The following CGNL1 variants were observed in gnomAD, a reference collection of about 807,000 sequenced individuals.
CGNL1 encodes cingulin-like protein 1.
Under a neutral mutation model 141.2 loss-of-function variants are expected in CGNL1, and 132 were observed. That is an observed-to-expected ratio of 0.93 (90% CI 0.81 to 1.08). The LOEUF (loss-of-function observed/expected upper bound fraction) is 1.08. Among genes scored for constraint, CGNL1 ranks in the 50% least tolerant of loss-of-function variants. The pLI is 0.00. For synonymous variants in CGNL1, 690 were observed against 622.1 expected (o/e 1.11, Z -1.63); for missense variants, 1,870 against 1,588.6 (o/e 1.18, Z -3.01).
intron 10 of CGNL1, among the ~76,000 whole-genome samples, chr15:57,521,023 C>T (rs1409525545): frequency 6.6e-6 from 1 of 152,130 alleles, no homozygotes; most frequent in Non-Finnish European, 1.5e-5. Context: ...TCAGATTCTC[C>T]AACCTGATAT....
intron 8 of CGNL1, among the ~76,000 whole-genome samples, chr15:57,464,789 AC>A (rs1373486202): frequency 7.6e-6 from 1 of 132,104 alleles, no homozygotes; most frequent in East Asian, 2.2e-4. Flanking sequence ...TTGCTCTGTC[AC>A]CCTGGTTGGA....
chr15:57,471,826 G>T (rs988146019), intron 8 of CGNL1, among the ~76,000 whole-genome samples: 2 of 152,128 alleles, frequency 1.3e-5, no homozygotes, highest in Non-Finnish European at 2.9e-5. Context: ...GTTCATTTAT[G>T]GTCATTAATT....
At chr15:57,407,756 T>C (rs2152265187) in intron 1 of CGNL1, among the ~76,000 whole-genome samples, 1 of 151,770 alleles carries the variant, frequency 6.6e-6, no homozygotes, top group Non-Finnish European at 1.5e-5. Context: ...AATTTTTTTT[T>C]TTTTTTTTTG....
chr15:57,389,276 G>A (rs1302729406), intron 1 of CGNL1, among the ~76,000 whole-genome samples: 3 of 152,006 alleles, frequency 2.0e-5, no homozygotes, highest in Non-Finnish European at 4.4e-5. Flanking sequence ...TGGGCAAAAA[G>A]AACAAAACTC....
intron 1 of CGNL1, among the ~76,000 whole-genome samples, chr15:57,385,024 C>T (rs2062466733): frequency 6.6e-6 from 1 of 152,160 alleles, no homozygotes; most frequent in African/African-American, 2.4e-5. Context: ...TTGCTTAAAG[C>T]ATTTCTTATC....
intron 8 of CGNL1, among the ~76,000 whole-genome samples, chr15:57,512,851 C>T (rs1022963711): frequency 6.6e-6 from 1 of 152,144 alleles, no homozygotes; most frequent in Non-Finnish European, 1.5e-5. Flanking sequence ...CTTCCCCTCT[C>T]TAACACCTCA....
At chr15:57,442,139 T>C (rs963376760) in intron 3 of CGNL1, among the ~76,000 whole-genome samples, 1 of 136,536 alleles carries the variant, frequency 7.3e-6, no homozygotes, top group Non-Finnish European at 1.5e-5. Flanking sequence ...TATTTGCAAG[T>C]GGGAACCCTG....
At chr15:57,462,053 G>T (rs1263616974) in intron 8 of CGNL1, among the ~76,000 whole-genome samples, 161 bp downstream of exon 8, 1 of 152,202 alleles carries the variant, frequency 6.6e-6, no homozygotes, top group Non-Finnish European at 1.5e-5. Flanking sequence ...TAAGCTCAAT[G>T]GTCCTGCTAT....
At chr15:57,525,719 T>C (rs1175700234) in intron 12 of CGNL1, among the ~76,000 whole-genome samples, 5 of 152,144 alleles carry the variant, frequency 3.3e-5, no homozygotes, top group Non-Finnish European at 7.4e-5. Context: ...AAGTCACCCA[T>C]GAGTCAGTGC....
intron 1 of CGNL1, among the ~76,000 whole-genome samples, chr15:57,427,873 C>G (rs1167977692): frequency 1.2e-4 from 18 of 152,054 alleles, no homozygotes; most frequent in African/African-American, 3.9e-4. Context: ...GAAGGAAAGC[C>G]CCCTTGAGGC....
In CGNL1 at chr15:57,442,185, A is replaced by G. The variant is rs1281290369; in HGVS notation, c.1698-188A>G. Among the ~76,000 whole-genome samples, 4 of 32,118 alleles carry G rather than the reference A, an allele frequency of 1.2e-4. 1 individual carries two copies. Among genetic ancestry groups the G allele is most frequent in the South Asian group, 9.4e-4 (1 of 1,060 alleles). 21.1% of individuals were successfully genotyped at this position (32,118 alleles called of 152,430 possible). A position where few individuals can be genotyped will look rare whatever the true frequency, so the allele number is the denominator to read the frequency against. On this transcript the variant is annotated intron_variant, in intron 3 of 18. Transcript: ENST00000281282. Reference sequence around the variant, plus strand: ...AGTGGTAACACATCATTTATTTGAAAAAAAAAAAAAAAAAAAAAGACACCA... The same window carrying G: ...AGTGGTAACACATCATTTATTTGAAGAAAAAAAAAAAAAAAAAAGACACCA...
chr15:57,429,869 G>A (rs962593387), intron 1 of CGNL1, among the ~76,000 whole-genome samples: 5 of 152,162 alleles, frequency 3.3e-5, no homozygotes, highest in Admixed American at 2.6e-4. Context: ...GCATGGGGTG[G>A]CATGATCATA....
chr15:57,445,189 G>A (rs904940577), intron 4 of CGNL1, among the ~76,000 whole-genome samples: 14 of 152,192 alleles, frequency 9.2e-5, no homozygotes, highest in Non-Finnish European at 2.9e-5. Flanking sequence ...AGACCAGGAG[G>A]TGGAGGCTGC....
At chr15:57,394,105 G>GTTTTTTTTTTTTTTTTTTTTTTTTTT (rs1491022136) in intron 1 of CGNL1, 1 of 28,684 alleles carries the variant, frequency 3.5e-5, no homozygotes, top group Non-Finnish European at 7.8e-5. Context: ...ATTTCTGTTT[G>GTTTTTTTTTTTTTTTTTTTTTTTTTT]TTTTTTTTTT....
chr15:57,532,979 G>T (rs1393407675), intron 14 of CGNL1, among the ~76,000 whole-genome samples: 1 of 152,128 alleles, frequency 6.6e-6, no homozygotes, highest in Non-Finnish European at 1.5e-5. Flanking sequence ...CCCTTTCCTC[G>T]GTTCAGGGTG....
intron 1 of CGNL1, chr15:57,398,533 T>G (rs529052795): frequency 6.6e-6 from 1 of 152,246 alleles, no homozygotes; most frequent in African/African-American, 2.4e-5. Flanking sequence ...GGTCCTGCAG[T>G]GCTGGGAAGC....
chr15:57,534,929 C>T (rs187962355), intron 14 of CGNL1, among the ~76,000 whole-genome samples: 83 of 152,312 alleles, frequency 5.4e-4, no homozygotes, highest in East Asian at 2.9e-3. Flanking sequence ...AGCTCCTTTG[C>T]GGAATCTTTG....
At chr15:57,489,754 G>A (rs2063832774) in intron 8 of CGNL1, among the ~76,000 whole-genome samples, 1 of 152,196 alleles carries the variant, frequency 6.6e-6, no homozygotes, top group Non-Finnish European at 1.5e-5. Context: ...TGGTTTCCCA[G>A]ACATTAGTTT....
chr15:57,544,954 G>A (rs575435922), intron 16 of CGNL1, among the ~76,000 whole-genome samples: 1 of 152,304 alleles, frequency 6.6e-6, no homozygotes, highest in East Asian at 1.9e-4. Flanking sequence ...AGGCCAGAAG[G>A]CTGACTCTGC....
Sources: gnomAD v4.1 joint callset for allele counts (sites outside exome capture counted in the v4.1 genomes callset) on GRCh38, gnomAD v4.1.1 for gene constraint, MANE v1.5 for transcripts, NCBI Gene and HGNC (gene_info 2026-07-23, HGNC 2026-07-21) for gene names.